The following CYP2W1 variants were observed in gnomAD, a reference collection of about 807,000 sequenced individuals.
CYP2W1 encodes cytochrome P450 2W1.
CYP2W1 carries 51 observed loss-of-function variants against 44.9 expected under a neutral mutation model. That is an observed-to-expected ratio of 1.14 (90% CI 0.91 to 1.43). The LOEUF (loss-of-function observed/expected upper bound fraction) is 1.43, where lower values mean the gene tolerates loss of function less well. CYP2W1 is among the 40% of genes most tolerant of loss of function. The pLI, the probability that CYP2W1 is intolerant of heterozygous loss-of-function variation, is 0.00. For missense variants in CYP2W1, 746 were observed against 700.0 expected (o/e 1.07, Z -0.74); for synonymous variants, 383 against 338.3 (o/e 1.13, Z -1.45).
At position 983,263 on chromosome 7, in the gene CYP2W1, C is replaced by T. The variant is rs751575496; in HGVS notation, c.52C>T (p.Leu18Phe). 10 of 1,542,448 alleles carry T rather than the reference C, an allele frequency of 6.5e-6. No homozygotes were observed. Among genetic ancestry groups the T allele is most frequent in the Non-Finnish European group, 8.7e-6 (10 of 1,143,652 alleles). Residue 18 changes from leucine to phenylalanine, a missense_variant, in exon 1 of 9, where the codon CTC becomes TTC. Coordinates refer to ENST00000308919, the MANE Select transcript of CYP2W1 (RefSeq NM_017781.3). ...GGGCCTCCTGGGGCTCTGGGGGCTG[C>T]TCTGCGCCTGCGCCCAAGACCCCTC... The part of the protein sequence containing the change: ...FLGLLGLWGL[L>F]CACAQDPSPA...
In CYP2W1 at chr7:989,241, C is replaced by G; in HGVS notation, c.*419C>G. On this transcript the variant is annotated 3_prime_UTR_variant, in exon 9 of 9. Transcript: ENST00000308919. ...CTCAGCGTGCGAGCCCTGCACCCCC[C>G]AGGTCCTGGGACTCCTGCAGACCCC... 1 of 200,164 alleles carries G rather than the reference C, an allele frequency of 5.0e-6. No individual in the cohort carries two copies. The highest frequency in any genetic ancestry group is 1.0e-5 in the Non-Finnish European group (1 of 98,448). 12.4% of individuals were successfully genotyped at this position (200,164 alleles called of 1,614,324 possible).
chr7:984,863 G>A lies in CYP2W1; in HGVS notation c.338-87G>A, dbSNP rs1848204141. ...AGGGCCCAGCCAGTCTCGCTGCCCT[G>A]TCAGCCTGCTCACTTCCTGCCCACT... is the stretch of plus-strand genomic sequence containing the variant. On this transcript the variant is annotated intron_variant, in intron 2 of 8. Coordinates refer to ENST00000308919, the MANE Select transcript of CYP2W1 (RefSeq NM_017781.3). 17 of 1,490,404 alleles carry A rather than the reference G, an allele frequency of 1.1e-5. No homozygotes were observed. In the South Asian group the frequency reaches 1.8e-4, roughly 16 times the overall value. 92.3% of individuals were successfully genotyped at this position (1,490,404 alleles called of 1,614,324 possible).
Position 987,445 on chromosome 7 carries a change from G to T in CYP2W1, c.1057G>T (p.Glu353Ter). 2 of 1,584,274 alleles carry T rather than the reference G, an allele frequency of 1.3e-6. No individual in the cohort carries two copies. Among genetic ancestry groups the T allele is most frequent in the Non-Finnish European group, 1.7e-6 (2 of 1,173,062 alleles). ...ALPYTSAVLH[E>*]VQRFITLLPH... ...GCCCTACACAAGCGCCGTGCTCCAC[G>T]AGGTGCAGCGGTTCATCACGCTCCT... The change falls in exon 7 of 9, where the codon GAG (glutamate) becomes TAG (stop). Residue 353 changes from glutamate (E) to a stop codon, truncating the protein, a stop_gained. Coordinates refer to ENST00000308919, the MANE Select transcript of CYP2W1 (RefSeq NM_017781.3). LOFTEE classifies it high-confidence loss of function.
chr7:987,955 T>TGG (rs759978216), intron 7 of CYP2W1, among the ~76,000 whole-genome samples: 60 of 94,836 alleles, frequency 6.3e-4, no homozygotes, highest in Non-Finnish European at 9.6e-4. Flanking sequence ...CTGTGTGTCC[T>TGG]GGGGGTCCCC....
chr7:984,632 G>T (rs889433219), intron 2 of CYP2W1, 58 bp downstream of exon 2: 30 of 1,511,154 alleles, frequency 2.0e-5, no homozygotes, highest in Non-Finnish European at 2.6e-5. Flanking sequence ...TGGACCCCAG[G>T]AGGGGTGGGG....
intron 2 of CYP2W1, among the ~76,000 whole-genome samples, 158 bp from the exon 3 acceptor site, chr7:984,792 G>C (rs909206458): frequency 6.6e-6 from 1 of 152,350 alleles, no homozygotes; most frequent in East Asian, 1.9e-4. Flanking sequence ...CCCAAGTCAA[G>C]AGGGGCCAGG....
intron 1 of CYP2W1, among the ~76,000 whole-genome samples, chr7:984,045 C>A (rs2128121728): frequency 6.6e-6 from 1 of 152,340 alleles, no homozygotes; most frequent in East Asian, 1.9e-4. Context: ...TCTCTGGGGG[C>A]CGAGCCTGTC....
chr7:984,039 T>C (rs954607565), intron 1 of CYP2W1, among the ~76,000 whole-genome samples: 2 of 152,134 alleles, frequency 1.3e-5, no homozygotes, highest in Admixed American at 6.5e-5. Flanking sequence ...TCAGGGTCTC[T>C]GGGGGCCGAG....
chr7:983,361 G>A lies in CYP2W1; in HGVS notation c.150G>A (p.Ser50=), dbSNP rs182768976. Residue 50 remains serine, a synonymous_variant, in exon 1 of 9, where the codon TCG becomes TCA. Coordinates refer to ENST00000308919, the MANE Select transcript of CYP2W1 (RefSeq NM_017781.3). The part of the protein sequence containing the change: ...LVGNLHLLRL[S]QQDRSLMELS... The stretch of plus-strand genomic sequence containing the variant: ...GGAACCTGCACTTGCTGCGTCTGTC[G>A]CAACAGGACCGGTCCCTGATGGAGG... 64 of 1,532,694 alleles carry A rather than the reference G, an allele frequency of 4.2e-5. No individual in the cohort carries two copies. In the East Asian group the frequency reaches 1.1e-3, roughly 26 times the overall value. 94.9% of individuals were successfully genotyped at this position (1,532,694 alleles called of 1,614,324 possible).
chr7:983,502 G>A (rs1295204600), intron 1 of CYP2W1, 117 bp downstream of exon 1: 3 of 1,094,514 alleles, frequency 2.7e-6, no homozygotes, highest in Non-Finnish European at 3.6e-6. Flanking sequence ...GCCGGGCCCA[G>A]CGGGGCACGC....
chr7:985,309 T>A lies in CYP2W1; in HGVS notation c.631T>A (p.Ser211Thr). 1 of 1,550,640 alleles carries A rather than the reference T, an allele frequency of 6.4e-7. No homozygotes were observed. Among genetic ancestry groups the A allele is most frequent in the Non-Finnish European group, 8.7e-7 (1 of 1,146,894 alleles). ...LIDEVMVLLG[S>T]PGLQLFNVYP... ...CGATGAGGTCATGGTCCTCTTGGGG[T>A]CCCCTGGCCTGCAGGTGAGGAGCTG... The change falls in exon 4 of 9, where the codon TCC (serine) becomes ACC (threonine). Residue 211 changes from serine to threonine, a missense_variant. Ser to Thr is a moderately conservative substitution (Grantham distance 58). Coordinates refer to ENST00000308919, the MANE Select transcript of CYP2W1 (RefSeq NM_017781.3).
intron 5 of CYP2W1, 24 bp from the exon 6 acceptor site, chr7:987,083 G>A (rs766805858): frequency 4.7e-6 from 7 of 1,494,014 alleles, no homozygotes; most frequent in Admixed American, 4.4e-5. Flanking sequence ...ATCATCCCAC[G>A]AGCCCTGCCC....
At position 986,804 on chromosome 7, in the gene CYP2W1, C is replaced by T. The variant is rs375562917; in HGVS notation, c.819+7C>T. ...CCTGATCCAGCAGGGACAGGTGTGT[C>T]GGGACCCAAGACCTCCTTGAAGGCC... On this transcript the variant is annotated splice_region_variant and intron_variant, in intron 5 of 8. Coordinates refer to ENST00000308919, the MANE Select transcript of CYP2W1 (RefSeq NM_017781.3). 9.9e-5 allele frequency: 152 copies of T among 1,541,462 alleles called. No individual in the cohort carries two copies. The highest frequency in any genetic ancestry group is 3.9e-4 in the African/African-American group (29 of 73,486).
chr7:983,536 C>A, intron 1 of CYP2W1, 151 bp downstream of exon 1: 1 of 749,596 alleles, frequency 1.3e-6, no homozygotes, highest in Non-Finnish European at 1.9e-6. Context: ...GCCCACCCTG[C>A]TTTTGGGAGG....
chr7:985,524 C>G (rs529558969), intron 4 of CYP2W1, among the ~76,000 whole-genome samples: 1 of 152,330 alleles, frequency 6.6e-6, no homozygotes, highest in East Asian at 1.9e-4. Context: ...CTGTGCTCTC[C>G]AGGAAATGGG....
Position 987,372 on chromosome 7 carries a change from C to A in CYP2W1, c.984C>A (p.Arg328=), listed in dbSNP as rs762212624. 2 of 1,591,912 alleles carry A rather than the reference C, an allele frequency of 1.3e-6. No individual in the cohort carries two copies. The highest frequency in any genetic ancestry group is 2.7e-5 in the African/African-American group (2 of 74,754). The change falls in exon 7 of 9, where the codon CGC becomes CGA. Residue 328 remains arginine (R), a synonymous_variant. Coordinates refer to ENST00000308919, the MANE Select transcript of CYP2W1 (RefSeq NM_017781.3). ...GCCGGGTGCAGGAGGAGCTAGACCG[C>A]GTGCTGGGCCCTGGGCGGACTCCCC... ...VQGRVQEELD[R]VLGPGRTPRL... is the part of the protein sequence containing the mutation.
intron 4 of CYP2W1, among the ~76,000 whole-genome samples, chr7:986,186 T>G (rs1187441540): frequency 6.6e-6 from 1 of 152,040 alleles, no homozygotes; most frequent in Non-Finnish European, 1.5e-5. Flanking sequence ...GCACGAGGTG[T>G]GGCGGGGCTG....
rs550950845 is a variant in CYP2W1, at chr7:984,284, G to A, written c.175-128G>A. 374 of 1,261,754 alleles carry A rather than the reference G, an allele frequency of 3.0e-4. 4 individuals are homozygous for A. In the South Asian group the frequency reaches 4.2e-3, roughly 14 times the overall value. 78.2% of individuals were successfully genotyped at this position (1,261,754 alleles called of 1,614,324 possible). A position where few individuals can be genotyped will look rare whatever the true frequency, so the allele number is the denominator to read the frequency against. On this transcript the variant is annotated intron_variant, in intron 1 of 8. Transcript: ENST00000308919. ...ACCACTGGCTTTATGGCATCTAGGC[G>A]TGCCCCCTCCACCTGCCCCCATTTT...
intron 4 of CYP2W1, among the ~76,000 whole-genome samples, chr7:986,085 C>T (rs911702729): frequency 6.6e-6 from 1 of 152,222 alleles, no homozygotes; most frequent in Non-Finnish European, 1.5e-5. Flanking sequence ...AGAGCATTCC[C>T]TGGCCTTCCC....
Sources: gnomAD v4.1 joint callset for allele counts (sites outside exome capture counted in the v4.1 genomes callset) on GRCh38, gnomAD v4.1.1 for gene constraint, MANE v1.5 for transcripts, NCBI Gene and HGNC (gene_info 2026-07-23, HGNC 2026-07-21) for gene names.